Variants in ATM observed in about 807,000 individuals in gnomAD.
ATM encodes the protein serine-protein kinase ATM.
A neutral mutation model predicts 387.0 loss-of-function variants in ATM; 308 were observed. The observed-to-expected ratio is 0.80, with a 90% CI of 0.73 to 0.87. ATM has a LOEUF of 0.87. ATM is among the 40% of genes least tolerant of loss of function. The pLI, the probability that ATM is intolerant of heterozygous loss-of-function variation, is 0.00. For missense variants in ATM, 3,312 were observed against 3,560.9 expected, an observed-to-expected ratio of 0.93 and a Z score of 1.78; for synonymous variants, 1,156 against 1,187.3, an observed-to-expected ratio of 0.97 and a Z score of 0.54.
Position 108,325,399 on chromosome 11 carries a change from A to G in ATM, c.6662A>G (p.Glu2221Gly). Residue 2221 changes from glutamate to glycine, a missense_variant, in exon 46 of 63, where the codon GAG becomes GGG. Physicochemically the swap from Glu to Gly is moderately conservative, Grantham distance 98. Transcript: ENST00000675843. ...LLKDSDFSFQ[E>G]PIMALRTVIL... is the part of the protein sequence containing the mutation. ...AAGGACAGTGATTTTAGTTTTCAGG[A>G]GCCTATCATGGCTCTACGCACAGTC... 6.2e-7 allele frequency: 1 copy of G among 1,613,852 alleles called. No homozygotes were observed. The highest frequency in any genetic ancestry group is 8.5e-7 in the Non-Finnish European group (1 of 1,179,928).
intron 53 of ATM, 113 bp downstream of exon 53, chr11:108,333,013 A>G: frequency 1.5e-6 from 2 of 1,343,428 alleles, no homozygotes; most frequent in Non-Finnish European, 2.1e-6. Context: ...AACGTAATCC[A>G]AAAGCTTAAT....
Position 108,329,166 on chromosome 11 carries a change from A to C in ATM, c.7235A>C (p.Asn2412Thr), listed in dbSNP as rs786203311. 3 of 1,614,094 alleles carry C rather than the reference A, an allele frequency of 1.9e-6. No homozygotes were observed. The highest frequency in any genetic ancestry group is 2.5e-6 in the Non-Finnish European group (3 of 1,180,002). Reference sequence around the variant, plus strand: ...TACATGAAATCATCGGAATTTGAAAACAAGCAAGCTCTCCTGAAAAGAGCC... The same window carrying C: ...TACATGAAATCATCGGAATTTGAAACCAAGCAAGCTCTCCTGAAAAGAGCC... The part of the protein sequence containing the change: ...ENYMKSSEFE[N>T]KQALLKRAKE... Residue 2412 changes from asparagine to threonine, a missense_variant, in exon 49 of 63, where the codon AAC becomes ACC. Transcript: ENST00000675843.
intron 56 of ATM, among the ~76,000 whole-genome samples, chr11:108,337,383 C>T (rs1490838772): frequency 6.6e-6 from 1 of 152,154 alleles, no homozygotes; most frequent in African/African-American, 2.4e-5. Flanking sequence ...GCAAAAGTTG[C>T]TCTATAAAGG....
At chr11:108,336,023 G>A in intron 56 of ATM, 62 bp downstream of exon 56, 1 of 1,297,224 alleles carries the variant, frequency 7.7e-7, no homozygotes, top group Non-Finnish European at 1.1e-6. Context: ...TTGGTTGGGT[G>A]AAGTGGCTCA....
intron 40 of ATM, among the ~76,000 whole-genome samples, chr11:108,313,139 A>G (rs1277475766): frequency 6.6e-6 from 1 of 152,200 alleles, no homozygotes; most frequent in African/African-American, 2.4e-5. Context: ...CCGTCATGTT[A>G]CAGAAACAGT....
chr11:108,272,640 A>G (rs1202754375), intron 21 of ATM, 33 bp downstream of exon 21: 1 of 1,612,828 alleles, frequency 6.2e-7, no homozygotes, highest in Non-Finnish European at 8.5e-7. Context: ...TAAGATCTCC[A>G]TTGAAAATTT....
intron 61 of ATM, among the ~76,000 whole-genome samples, chr11:108,357,791 C>CTGTA (rs1261527238): frequency 9.2e-5 from 14 of 152,204 alleles, no homozygotes; most frequent in Admixed American, 7.8e-4. Flanking sequence ...AAAAACCCAT[C>CTGTA]TGTACATCAC....
intron 45 of ATM, among the ~76,000 whole-genome samples, chr11:108,325,018 G>C (rs1335882936): frequency 6.6e-6 from 1 of 152,158 alleles, no homozygotes; most frequent in African/African-American, 2.4e-5. Context: ...TGTTTCAGAA[G>C]AGTATTTAGA....
At chr11:108,301,356 G>T (rs918131485) in intron 34 of ATM, among the ~76,000 whole-genome samples, 1 of 152,196 alleles carries the variant, frequency 6.6e-6, no homozygotes, top group South Asian at 2.1e-4. Context: ...TTACTTATAT[G>T]TATTAGAACA....
At chr11:108,335,365 G>T (rs2136676396) in intron 55 of ATM, 2 of 1,169,810 alleles carry the variant, frequency 1.7e-6, no homozygotes, top group East Asian at 6.3e-5. Flanking sequence ...CATGTACAGT[G>T]AGGTTGCTTC....
At chr11:108,314,567 G>A (rs2084455340) in intron 40 of ATM, among the ~76,000 whole-genome samples, 1 of 151,926 alleles carries the variant, frequency 6.6e-6, no homozygotes, top group African/African-American at 2.4e-5. Context: ...TGTTGTCTAG[G>A]ACCAGTCTAC....
intron 23 of ATM, among the ~76,000 whole-genome samples, chr11:108,279,856 A>AGTATAAATG (rs1456796548): frequency 1.3e-5 from 2 of 152,154 alleles, no homozygotes; most frequent in African/African-American, 4.8e-5. Flanking sequence ...TTTTTATGGG[A>AGTATAAATG]GTATAAATGG....
chr11:108,351,640 A>G (rs1032162814), intron 59 of ATM, among the ~76,000 whole-genome samples: 13 of 152,144 alleles, frequency 8.5e-5, no homozygotes, highest in Admixed American at 2.0e-4. Flanking sequence ...TCTGTCCACA[A>G]TAGTGTCCTG....
At chr11:108,271,009 T>C (rs907513092) in intron 18 of ATM, 55 bp from the exon 19 acceptor site, 1 of 1,480,702 alleles carries the variant, frequency 6.8e-7, no homozygotes, top group Non-Finnish European at 9.4e-7. Context: ...TTATATACTT[T>C]TTAAAGTAAA....
intron 5 of ATM, among the ~76,000 whole-genome samples, chr11:108,237,899 G>GTTTTTTTTTTTTTTTTTTTT (rs369161623): frequency 6.5e-4 from 60 of 92,030 alleles, no homozygotes; most frequent in African/African-American, 1.7e-3. Context: ...ATTTACTTAG[G>GTTTTTTTTTTTTTTTTTTTT]TTTTTTTTTT....
At chr11:108,315,054 T>C (rs980066360) in intron 40 of ATM, among the ~76,000 whole-genome samples, 9 of 152,210 alleles carry the variant, frequency 5.9e-5, no homozygotes, top group Admixed American at 4.6e-4. Context: ...GTGGTGTTAA[T>C]CAAGGCTTAT....
intron 59 of ATM, among the ~76,000 whole-genome samples, chr11:108,349,675 T>C (rs942728072): frequency 2.0e-5 from 3 of 151,896 alleles, no homozygotes; most frequent in African/African-American, 7.3e-5. Context: ...AAAAAGAATG[T>C]GGAATCTTCC....
intron 61 of ATM, 116 bp from the exon 62 acceptor site, chr11:108,364,966 C>G: frequency 8.6e-7 from 1 of 1,168,844 alleles, no homozygotes; most frequent in Non-Finnish European, 1.2e-6. Context: ...TGTTTGTTCC[C>G]CTCCCCCATC....
rs869312756 is a variant in ATM, at chr11:108,307,985, G to T, written c.5762+1G>T. On this transcript the variant is annotated splice_donor_variant, in intron 38 of 62. Coordinates refer to ENST00000675843, the MANE Select transcript of ATM (RefSeq NM_000051.4). LOFTEE classifies it high-confidence loss of function. ...TGGACTACATGAGAAGACAAAAGAGGTAATGTAATGAGTGTTGCTTCTTAC... is the reference window on the plus strand; with the variant it reads ...TGGACTACATGAGAAGACAAAAGAGTTAATGTAATGAGTGTTGCTTCTTAC... The T allele has an allele frequency of 6.2e-7, 1 of 1,606,116 alleles. No homozygotes were observed. The highest frequency in any genetic ancestry group is 8.5e-7 in the Non-Finnish European group (1 of 1,172,874).
Sources: gnomAD v4.1 joint callset for allele counts (sites outside exome capture counted in the v4.1 genomes callset) on GRCh38, gnomAD v4.1.1 for gene constraint, MANE v1.5 for transcripts, NCBI Gene and HGNC (gene_info 2026-07-23, HGNC 2026-07-21) for gene names.